CLRN1: variants seen among roughly 807,000 people sequenced by gnomAD.
CLRN1 encodes the protein clarin-1.
Under a neutral mutation model 18.7 loss-of-function variants are expected in CLRN1, and 15 were observed. The observed-to-expected ratio is 0.80, with a 90% confidence interval of 0.54 to 1.23. The LOEUF (loss-of-function observed/expected upper bound fraction) is 1.23. Among genes scored for constraint, CLRN1 ranks in the 50% most tolerant of loss-of-function variants. The probability of loss-of-function intolerance (pLI) is 0.00; values close to 1 mark genes in which losing one functional copy is unlikely to be tolerated. For missense variants in CLRN1, 311 were observed against 277.5 expected, an observed-to-expected ratio of 1.12 and a Z score of -0.86; for synonymous variants, 104 against 102.9, an observed-to-expected ratio of 1.01 and a Z score of -0.07.
rs1712867693 is a variant in CLRN1 at position 150,927,466 on chromosome 3, T to A, written c.*470A>T. 1 of 452,698 alleles carries A rather than the reference T, an allele frequency of 2.2e-6. No individual in the cohort carries two copies. Among genetic ancestry groups the A allele is most frequent in the African/African-American group, 2.0e-5 (1 of 49,998 alleles). 28.0% of individuals were successfully genotyped at this position (452,698 alleles called of 1,614,324 possible). A position where few individuals can be genotyped will look rare whatever the true frequency, so the allele number is the denominator to read the frequency against. ...ACAAATTTTTTAAAATGTGTGTTGA[T>A]ACATTTTATAGATGTTCATTTAATA... is the stretch of plus-strand genomic sequence containing the variant. On this transcript the variant is annotated 3_prime_UTR_variant, in exon 3 of 3. Coordinates refer to ENST00000327047, the MANE Select transcript of CLRN1 (RefSeq NM_174878.3).
At chr3:150,946,098 A>G (rs1049950918) in intron 1 of CLRN1, among the ~76,000 whole-genome samples, 5 of 152,238 alleles carry the variant, frequency 3.3e-5, no homozygotes, top group African/African-American at 1.2e-4. Context: ...ACATGTATGG[A>G]ATTATTCATC....
intron 2 of CLRN1, chr3:150,940,489 T>A: frequency 1.3e-6 from 2 of 1,534,890 alleles, no homozygotes. Flanking sequence ...ACCTTGAGCC[T>A]GGTGCCTGGT....
At chr3:150,972,399 A>C in intron 1 of CLRN1, 57 bp downstream of exon 1, 1 of 1,612,914 alleles carries the variant, frequency 6.2e-7, no homozygotes, top group East Asian at 2.2e-5. Flanking sequence ...AATTCCTCGC[A>C]ACACTGGGAA....
intron 2 of CLRN1, among the ~76,000 whole-genome samples, chr3:150,932,153 C>A (rs1713190210): frequency 6.6e-6 from 1 of 152,096 alleles, no homozygotes; most frequent in Admixed American, 6.5e-5. Flanking sequence ...AGTCAATTAA[C>A]AAACGTTTGT....
Position 150,943,892 on chromosome 3 carries a change from C to T in CLRN1, c.254-2131G>A, listed in dbSNP as rs547057318. On this transcript the variant is annotated intron_variant, in intron 1 of 2. Coordinates refer to ENST00000327047, the MANE Select transcript of CLRN1 (RefSeq NM_174878.3). ...AAAGCAGCCAGCTGGTTCCTGCACT[C>T]GTTCACTCGTGTGCTCCCTCCTGCA... 58 of 1,613,892 alleles carry T rather than the reference C, an allele frequency of 3.6e-5. No individual in the cohort carries two copies. In the East Asian group the frequency reaches 7.4e-4, roughly 20 times the overall value.
In CLRN1 at chr3:150,926,601, T is replaced by C. The variant is rs1712804735; in HGVS notation, c.*1335A>G. The C allele has an allele frequency of 1.5e-6, 1 of 683,380 alleles. No individual in the cohort carries two copies. Among genetic ancestry groups the C allele is most frequent in the South Asian group, 1.6e-5 (1 of 64,134 alleles). 42.3% of individuals were successfully genotyped at this position (683,380 alleles called of 1,614,324 possible). A position where few individuals can be genotyped will look rare whatever the true frequency, so the allele number is the denominator to read the frequency against. On this transcript the variant is annotated 3_prime_UTR_variant, in exon 3 of 3. Transcript: ENST00000327047. ...AAACTCGGTGTGTTCTGATGTCTGCTGGCGAATAGCGAATTGACACCAGAG... is the reference window on the plus strand; with the variant it reads ...AAACTCGGTGTGTTCTGATGTCTGCCGGCGAATAGCGAATTGACACCAGAG...
At chr3:150,971,771 G>A (rs1380459306) in intron 1 of CLRN1, among the ~76,000 whole-genome samples, 5 of 152,104 alleles carry the variant, frequency 3.3e-5, no homozygotes, top group Non-Finnish European at 7.4e-5. Flanking sequence ...AAGATAAACA[G>A]GTTATAAATA....
Position 150,972,629 on chromosome 3 carries a change from G to A in CLRN1, c.80C>T (p.Ala27Val). The A allele has an allele frequency of 5.0e-6, 8 of 1,614,180 alleles. No individual in the cohort carries two copies. Among genetic ancestry groups the A allele is most frequent in the Non-Finnish European group, 6.8e-6 (8 of 1,180,038 alleles). Residue 27 changes from alanine to valine, a missense_variant, in exon 1 of 3, where the codon GCC (alanine) becomes GTC (valine). Ala to Val is a moderately conservative substitution (Grantham distance 64, BLOSUM62 0). Transcript: ENST00000327047. ...SFACALGVVTALGTPLWIKAT... is the reference protein window; with the variant it reads ...SFACALGVVTVLGTPLWIKAT... ...TTTGATCCACAACGGTGTCCCCAAG[G>A]CTGTCACAACTCCGAGGGCACATGC...
chr3:150,972,994 T>C (rs1206257492), upstream of CLRN1: 1 of 515,902 alleles, frequency 1.9e-6, no homozygotes, highest in Non-Finnish European at 3.5e-6. Context: ...CCTTCAAGTA[T>C]CTCCTCTGTG....
At position 150,948,285 on chromosome 3, in the gene CLRN1, C is replaced by T. The variant is rs560618171; in HGVS notation, c.254-6524G>A. Among the ~76,000 whole-genome samples, 10 of 151,942 alleles carry T rather than the reference C, an allele frequency of 6.6e-5. No homozygotes were observed. In the East Asian group the frequency reaches 1.9e-3, roughly 29 times the overall value. ...GGATCACGAGGTCAGGAGATCGAGA[C>T]CATCCTGGCTAACACGGTGAAACCC... On this transcript the variant is annotated intron_variant, in intron 1 of 2. Transcript: ENST00000327047.
At chr3:150,936,371 C>A (rs1351826918) in intron 2 of CLRN1, among the ~76,000 whole-genome samples, 1 of 152,154 alleles carries the variant, frequency 6.6e-6, no homozygotes, top group East Asian at 1.9e-4. Flanking sequence ...TACTTGGCAT[C>A]TCCACTTGGT....
chr3:150,943,729 G>A, intron 1 of CLRN1: 1 of 1,601,054 alleles, frequency 6.2e-7, no homozygotes, highest in Admixed American at 1.7e-5. Context: ...AGGGCCCACT[G>A]AGCTGACAAC....
At chr3:150,972,846 A>G (rs1295171034), upstream of CLRN1, 2 of 1,207,494 alleles carry the variant, frequency 1.7e-6, no homozygotes, top group African/African-American at 1.5e-5. Flanking sequence ...TTCACCATCG[A>G]CGGTTCTCGC....
chr3:150,930,735 C>T (rs1713093146), intron 2 of CLRN1, among the ~76,000 whole-genome samples: 1 of 152,150 alleles, frequency 6.6e-6, no homozygotes, highest in African/African-American at 2.4e-5. Flanking sequence ...GAATTTCAGA[C>T]AGAAGTGAAA....
At chr3:150,949,117 A>G (rs959021737) in intron 1 of CLRN1, among the ~76,000 whole-genome samples, 4 of 152,234 alleles carry the variant, frequency 2.6e-5, no homozygotes, top group African/African-American at 9.6e-5. Context: ...CCACATGACT[A>G]TCTCAACAGA....
rs553395224 is a variant in CLRN1, at chr3:150,944,292, G to T, written c.254-2531C>A. On this transcript the variant is annotated intron_variant, in intron 1 of 2. Transcript: ENST00000327047. ...GTTGTACCCACTGGATCCTGGCCTG[G>T]TGACCATGGCGAGGAGTTGGCTTTT... is the stretch of plus-strand genomic sequence containing the variant. 1.6e-5 allele frequency: 3 copies of T among 190,082 alleles called. No homozygotes were observed. The East Asian group carries it at 4.0e-4, about 25-fold the overall frequency. The allele number at this position is 190,082 out of a possible 1,614,324, so 11.8% of individuals were successfully genotyped here. A position where few individuals can be genotyped will look rare whatever the true frequency, so the allele number is the denominator to read the frequency against.
At chr3:150,969,823 A>C (rs777406612) in intron 1 of CLRN1, among the ~76,000 whole-genome samples, 7 of 152,132 alleles carry the variant, frequency 4.6e-5, no homozygotes, top group Non-Finnish European at 8.8e-5. Flanking sequence ...ATACAAAAAA[A>C]AAATTAGCTG....
chr3:150,932,723 G>T (rs756610127), intron 2 of CLRN1, among the ~76,000 whole-genome samples: 1 of 152,158 alleles, frequency 6.6e-6, no homozygotes, highest in Non-Finnish European at 1.5e-5. Flanking sequence ...TGAAAGTAAG[G>T]TCACCAGCAA....
chr3:150,961,701 T>G (rs1009701243), intron 1 of CLRN1, among the ~76,000 whole-genome samples: 1 of 152,248 alleles, frequency 6.6e-6, no homozygotes, highest in Non-Finnish European at 1.5e-5. Flanking sequence ...TTCATTTTCT[T>G]GAAAGAGAAT....
Sources: gnomAD v4.1 joint callset for allele counts (sites outside exome capture counted in the v4.1 genomes callset) on GRCh38, gnomAD v4.1.1 for gene constraint, MANE v1.5 for transcripts, NCBI Gene and HGNC (gene_info 2026-07-23, HGNC 2026-07-21) for gene names.